PRLR: variants seen among roughly 807,000 people sequenced by gnomAD.
PRLR encodes the protein hPRL receptor.
Under a neutral mutation model 40.2 loss-of-function variants are expected in PRLR, and 13 were observed. The ratio of observed to expected loss-of-function variants is 0.32; its 90% confidence interval spans 0.21 to 0.51. The LOEUF (loss-of-function observed/expected upper bound fraction) is 0.51, where lower values mean the gene tolerates loss of function less well. PRLR is among the 20% of genes least tolerant of loss of function. PRLR has a pLI of 0.97. For synonymous variants in PRLR, 269 were observed against 278.7 expected (o/e 0.97, Z 0.35); for missense variants, 656 against 747.3 (o/e 0.88, Z 1.42).
chr5:35,065,045 G>C lies in PRLR; in HGVS notation c.*44C>G. ...TTTCACGTACTCTGTAGTGTTACCT[G>C]AAGAAAAATCACATTTTAACCAATC... On this transcript the variant is annotated 3_prime_UTR_variant, in exon 10 of 10. Coordinates refer to ENST00000618457, the MANE Select transcript of PRLR (RefSeq NM_000949.7). The C allele has an allele frequency of 6.4e-7, 1 of 1,568,102 alleles. No individual in the cohort carries two copies.
intron 2 of PRLR, among the ~76,000 whole-genome samples, chr5:35,093,620 T>C (rs960595551): frequency 1.3e-5 from 2 of 152,222 alleles, no homozygotes; most frequent in African/African-American, 4.8e-5. Context: ...TCTGAGGTTC[T>C]TTTTAGCTCT....
rs149237516 is a variant in PRLR, at chr5:35,184,332, G to A, written c.-106+45936C>T. ...AGTTTGAGACCAGCCTGGGCAACAC[G>A]GTGAAACCCCATTTCTACTAAAATA... On this transcript the variant is annotated intron_variant, in intron 1 of 9. Coordinates refer to ENST00000618457, the MANE Select transcript of PRLR (RefSeq NM_000949.7). Among the ~76,000 whole-genome samples, 22 of 152,106 alleles carry A rather than the reference G, an allele frequency of 1.4e-4. No individual in the cohort carries two copies. The East Asian group carries it at 3.5e-3, about 24-fold the overall frequency.
intron 1 of PRLR, among the ~76,000 whole-genome samples, chr5:35,188,376 T>C (rs1212540492): frequency 1.3e-5 from 2 of 152,238 alleles, no homozygotes; most frequent in Non-Finnish European, 2.9e-5. Context: ...CAGCCTGGGA[T>C]CAGCCCACGT....
chr5:35,200,675 G>T (rs2111605666), intron 1 of PRLR, among the ~76,000 whole-genome samples: 1 of 152,266 alleles, frequency 6.6e-6, no homozygotes, highest in African/African-American at 2.4e-5. Flanking sequence ...CACTAGGGAT[G>T]TAGTTTCAGT....
At chr5:35,219,555 C>G (rs911576266) in intron 1 of PRLR, among the ~76,000 whole-genome samples, 4 of 152,132 alleles carry the variant, frequency 2.6e-5, no homozygotes, top group African/African-American at 9.7e-5. Context: ...GTAGAAAGCC[C>G]CATGTAAATG....
intron 1 of PRLR, among the ~76,000 whole-genome samples, chr5:35,134,047 G>C (rs1177925846): frequency 6.6e-6 from 1 of 152,150 alleles, no homozygotes; most frequent in East Asian, 1.9e-4. Flanking sequence ...GGTTGGGAAG[G>C]GGGTGAGGGA....
rs1426742921 is a variant in PRLR, at chr5:35,064,835, T to C, written c.*254A>G. The C allele has an allele frequency of 2.1e-6, 1 of 473,772 alleles. No homozygotes were observed. Among genetic ancestry groups the C allele is most frequent in the Non-Finnish European group, 3.7e-6 (1 of 268,198 alleles). The allele number at this position is 473,772 out of a possible 1,614,324, so 29.3% of individuals were successfully genotyped here. On this transcript the variant is annotated 3_prime_UTR_variant, in exon 10 of 10. Transcript: ENST00000618457. ...TGTCCCTCAAGAATACTAAGCAGTG[T>C]GCTTTTATTTCATTGAACACATAGT... is the stretch of plus-strand genomic sequence containing the variant.
chr5:35,148,993 A>G (rs1056104352), intron 1 of PRLR, among the ~76,000 whole-genome samples: 1 of 152,168 alleles, frequency 6.6e-6, no homozygotes, highest in Non-Finnish European at 1.5e-5. Context: ...TTTTGAGGAC[A>G]GATGATCCCT....
At chr5:35,228,489 A>C (rs982235460) in intron 1 of PRLR, among the ~76,000 whole-genome samples, 2 of 152,206 alleles carry the variant, frequency 1.3e-5, no homozygotes, top group African/African-American at 4.8e-5. Context: ...GCCTACTCAT[A>C]CTATGCCTCA....
intron 1 of PRLR, among the ~76,000 whole-genome samples, chr5:35,190,054 T>A (rs1335323131): frequency 6.6e-6 from 1 of 152,152 alleles, no homozygotes; most frequent in Non-Finnish European, 1.5e-5. Context: ...TGCCTTGGAC[T>A]TGGAGGTAAG....
At chr5:35,158,566 A>G (rs982568585) in intron 1 of PRLR, among the ~76,000 whole-genome samples, 3 of 152,132 alleles carry the variant, frequency 2.0e-5, no homozygotes, top group African/African-American at 7.2e-5. Context: ...GGGACTGTTA[A>G]CAGGCTTACC....
At position 35,065,411 on chromosome 5, in the gene PRLR, T is replaced by C. The variant is rs147265072; in HGVS notation, c.1547A>G (p.Asn516Ser). 5 of 1,614,162 alleles carry C rather than the reference T, an allele frequency of 3.1e-6. No homozygotes were observed. The highest frequency in any genetic ancestry group is 2.7e-5 in the African/African-American group (2 of 75,044). ...TAGCAATGATAATGCACCATCTTTGTTGACCTTGTGAATCTCCACATAATC... is the reference window on the plus strand; with the variant it reads ...TAGCAATGATAATGCACCATCTTTGCTGACCTTGTGAATCTCCACATAATC... Reference protein sequence around the residue: ...PLDYVEIHKVNKDGALSLLPK... With the variant: ...PLDYVEIHKVSKDGALSLLPK... The change falls in exon 10 of 10, where the codon AAC becomes AGC. Residue 516 changes from asparagine (N) to serine (S), a missense_variant. Coordinates refer to ENST00000618457, the MANE Select transcript of PRLR (RefSeq NM_000949.7).
chr5:35,068,860 G>T lies in PRLR; in HGVS notation c.704C>A (p.Thr235Lys), dbSNP rs369401718. 1.2e-6 allele frequency: 2 copies of T among 1,612,206 alleles called. No individual in the cohort carries two copies. The highest frequency in any genetic ancestry group is 2.2e-5 in the East Asian group (1 of 44,844). ...QIPSDFTMND[T>K]TVWISVAVLS... ...GACAGCCACAGAGATCCACACGGTT[G>T]TATCATTCATGGTGAAGTCTAAAAA... The change falls in exon 8 of 10, where the codon ACA becomes AAA. Residue 235 changes from threonine (T) to lysine (K), a missense_variant. Thr to Lys is a moderately conservative substitution (Grantham distance 78, BLOSUM62 -1). Around this residue, in one of 3 missense-constraint regions of PRLR, gnomAD observed 469 missense variants for 491.5 expected, o/e 0.95. Coordinates refer to ENST00000618457, the MANE Select transcript of PRLR (RefSeq NM_000949.7).
downstream of PRLR, among the ~76,000 whole-genome samples, chr5:35,051,256 C>T (rs1768488182): frequency 1.3e-5 from 2 of 152,200 alleles, no homozygotes; most frequent in Admixed American, 1.3e-4. Context: ...TGGCACAGTG[C>T]CTGGCATACA....
chr5:35,205,269 G>A (rs1385810415), intron 1 of PRLR, among the ~76,000 whole-genome samples: 1 of 152,064 alleles, frequency 6.6e-6, no homozygotes, highest in Non-Finnish European at 1.5e-5. Flanking sequence ...GGTGGGGGAG[G>A]AGGGAGAAGG....
intron 1 of PRLR, among the ~76,000 whole-genome samples, chr5:35,141,148 C>G (rs887686650): frequency 6.6e-6 from 1 of 150,956 alleles, no homozygotes; most frequent in Non-Finnish European, 1.5e-5. Flanking sequence ...TGACTGAGAA[C>G]AAAGATAGAA....
chr5:35,187,223 AAACCCC>A (rs1363498910), intron 1 of PRLR, among the ~76,000 whole-genome samples: 1 of 152,146 alleles, frequency 6.6e-6, no homozygotes, highest in Non-Finnish European at 1.5e-5. Context: ...CAACATGGTG[AAACCCC>A]ATCTTTACTA....
intron 1 of PRLR, among the ~76,000 whole-genome samples, chr5:35,227,935 G>A (rs1390988930): frequency 6.6e-6 from 1 of 152,148 alleles, no homozygotes; most frequent in Non-Finnish European, 1.5e-5. Flanking sequence ...CGCCGGTCTG[G>A]ACATACTTTA....
chr5:35,210,336 AGT>A (rs1776139954), intron 1 of PRLR, among the ~76,000 whole-genome samples: 1 of 152,248 alleles, frequency 6.6e-6, no homozygotes. Context: ...CCTCCAGCAC[AGT>A]GTGCCTTAGG....
Sources: gnomAD v4.1 joint callset for allele counts (sites outside exome capture counted in the v4.1 genomes callset) on GRCh38, gnomAD v4.1.1 for gene constraint, gnomAD v4.1.1 regional missense constraint, MANE v1.5 for transcripts, NCBI Gene and HGNC (gene_info 2026-07-23, HGNC 2026-07-21) for gene names.